Variants in MACROD2 observed in about 807,000 individuals in gnomAD.
The protein encoded by MACROD2 is mono-ADP ribosylhydrolase 2, also known as ADP-ribose glycohydrolase MACROD2.
MACROD2 carries 36 observed loss-of-function variants against 70.4 expected under a neutral mutation model. The observed-to-expected ratio is 0.51, with a 90% CI of 0.39 to 0.68. The LOEUF (loss-of-function observed/expected upper bound fraction) is 0.68, where lower values mean the gene tolerates loss of function less well. Among genes scored for constraint, MACROD2 ranks in the 30% least tolerant of loss-of-function variants. The pLI is 0.00. For synonymous variants in MACROD2, 172 were observed against 178.8 expected, an observed-to-expected ratio of 0.96 and a Z score of 0.30; for missense variants, 496 against 538.4, an observed-to-expected ratio of 0.92 and a Z score of 0.78.
At chr20:15,316,282 A>G (rs73265029) in intron 6 of MACROD2, among the ~76,000 whole-genome samples, 14 of 152,232 alleles carry the variant, frequency 9.2e-5, no homozygotes, top group African/African-American at 3.4e-4. Flanking sequence ...GGTCAGACAG[A>G]TAAAAACACG....
At position 14,164,185 on chromosome 20, in the gene MACROD2, A is replaced by T. The variant is rs538990306; in HGVS notation, c.271+78457A>T. Among the ~76,000 whole-genome samples the T allele has an allele frequency of 1.2e-3, 180 of 152,168 alleles. 1 individual carries two copies. Among genetic ancestry groups the T allele is most frequent in the African/African-American group, 4.0e-3 (168 of 41,518 alleles). On this transcript the variant is annotated intron_variant, in intron 3 of 17. Coordinates refer to ENST00000684519, the MANE Select transcript of MACROD2 (RefSeq NM_001351661.2). ...TGATTCTGGGTGTGTGCAGTAGTAC[A>T]GCTTCTATGTAATTTCTTTGGCGCT...
In MACROD2 at chr20:14,954,795, A is replaced by T. The variant is rs1463193553; in HGVS notation, c.418+269836A>T. On this transcript the variant is annotated intron_variant, in intron 5 of 17. Coordinates refer to ENST00000684519, the MANE Select transcript of MACROD2 (RefSeq NM_001351661.2). ...TAACATAAATTATAAATATATAAAT[A>T]TATAAATAAATTTTATATAATATAA... is the stretch of plus-strand genomic sequence containing the variant. 1.0e-4 allele frequency among the ~76,000 whole-genome samples: 5 copies of T among 49,848 alleles called. No homozygotes were observed. The East Asian group carries it at 3.1e-3, about 31-fold the overall frequency. 32.7% of individuals were successfully genotyped at this position (49,848 alleles called of 152,430 possible).
chr20:15,555,828 C>CAAAAAAAAAAAAAAAA (rs397838341), intron 8 of MACROD2, among the ~76,000 whole-genome samples: 21 of 18,486 alleles, frequency 1.1e-3, no homozygotes, highest in Admixed American at 1.8e-3. Flanking sequence ...GACTCCATCT[C>CAAAAAAAAAAAAAAAA]AAAAAAAAAA....
intron 3 of MACROD2, among the ~76,000 whole-genome samples, chr20:14,401,756 T>C (rs1305020515): frequency 6.6e-6 from 1 of 152,014 alleles, no homozygotes; most frequent in Non-Finnish European, 1.5e-5. Flanking sequence ...TTTTCCCCAA[T>C]ACAAATTTGA....
intron 8 of MACROD2, among the ~76,000 whole-genome samples, chr20:15,654,948 G>GT (rs2049704891): frequency 6.6e-6 from 1 of 151,986 alleles, no homozygotes; most frequent in Non-Finnish European, 1.5e-5. Context: ...TTCTACAGCT[G>GT]GAGAGATGAA....
rs150488957 is a variant in MACROD2, at chr20:15,684,863, A to C, written c.646-177882A>C. ...TTTATATAGAAATGTTAGACCATAC[A>C]TAGCGTTATTATTTTGATGCGAAAG... On this transcript the variant is annotated intron_variant, in intron 8 of 17. Coordinates refer to ENST00000684519, the MANE Select transcript of MACROD2 (RefSeq NM_001351661.2). 2.7e-4 allele frequency among the ~76,000 whole-genome samples: 41 copies of C among 152,316 alleles called. No homozygotes were observed. In the East Asian group the frequency reaches 7.7e-3, roughly 29 times the overall value.
intron 8 of MACROD2, among the ~76,000 whole-genome samples, chr20:15,667,499 G>GTTTCTATC (rs2049916745): frequency 6.7e-6 from 1 of 150,256 alleles, no homozygotes; most frequent in Non-Finnish European, 1.5e-5. Context: ...ATCTATCTAT[G>GTTTCTATC]TATCTATCTA....
At chr20:15,117,776 C>A (rs73096097) in intron 5 of MACROD2, among the ~76,000 whole-genome samples, 32,817 of 152,138 alleles carry the variant, frequency 0.22, 4,828 homozygotes, top group Non-Finnish European at 0.32. Flanking sequence ...TTGCCATTAT[C>A]TTTCCCTGTG....
At chr20:14,419,845 A>T (rs1002215918) in intron 3 of MACROD2, among the ~76,000 whole-genome samples, 1 of 151,922 alleles carries the variant, frequency 6.6e-6, no homozygotes, top group Admixed American at 6.6e-5. Context: ...TCAATATATC[A>T]TGGGCATTTT....
intron 5 of MACROD2, among the ~76,000 whole-genome samples, chr20:14,844,816 C>T (rs1226291879): frequency 1.3e-5 from 2 of 152,088 alleles, no homozygotes; most frequent in African/African-American, 4.8e-5. Context: ...AGAGCCTTCC[C>T]TGTGGATTTT....
At chr20:15,690,758 A>C (rs530688827) in intron 8 of MACROD2, among the ~76,000 whole-genome samples, 2 of 152,290 alleles carry the variant, frequency 1.3e-5, no homozygotes, top group Non-Finnish European at 1.5e-5. Flanking sequence ...TAAAAACTCA[A>C]AATCTAAAAT....
chr20:14,407,382 A>G (rs2083702331), intron 3 of MACROD2, among the ~76,000 whole-genome samples: 1 of 152,016 alleles, frequency 6.6e-6, no homozygotes, highest in African/African-American at 2.4e-5. Flanking sequence ...CTGGCTTCAA[A>G]AGCAGTTTTA....
intron 3 of MACROD2, among the ~76,000 whole-genome samples, chr20:14,366,441 A>G (rs2083273865): frequency 1.3e-5 from 2 of 148,396 alleles, no homozygotes; most frequent in South Asian, 2.1e-4. Flanking sequence ...ATTTTGGCTC[A>G]CTGCAATCTC....
chr20:15,999,078 G>A (rs147321280), intron 15 of MACROD2, among the ~76,000 whole-genome samples: 35 of 152,032 alleles, frequency 2.3e-4, no homozygotes, highest in African/African-American at 6.7e-4. Context: ...TCCTTAAAGT[G>A]TAAAGTTAGG....
At chr20:15,461,440 G>A (rs2046817259) in intron 7 of MACROD2, among the ~76,000 whole-genome samples, 3 of 151,926 alleles carry the variant, frequency 2.0e-5, no homozygotes, top group Non-Finnish European at 4.4e-5. Flanking sequence ...TTCCCTACTT[G>A]ACTGTCCTCT....
At chr20:14,313,412 A>G (rs1204738138) in intron 3 of MACROD2, among the ~76,000 whole-genome samples, 1 of 146,500 alleles carries the variant, frequency 6.8e-6, no homozygotes, top group Non-Finnish European at 1.5e-5. Flanking sequence ...GATTTACTGT[A>G]AACTGCTGCT....
At chr20:14,589,886 C>T (rs959368456) in intron 4 of MACROD2, among the ~76,000 whole-genome samples, 37 of 152,174 alleles carry the variant, frequency 2.4e-4, no homozygotes, top group African/African-American at 5.3e-4. Flanking sequence ...AAAAATATGC[C>T]GTTCTCATAT....
intron 8 of MACROD2, among the ~76,000 whole-genome samples, chr20:15,814,609 T>C (rs994529946): frequency 3.9e-5 from 6 of 152,204 alleles, no homozygotes; most frequent in Non-Finnish European, 8.8e-5. Context: ...CTTAACACTA[T>C]GCCCCTGGTG....
chr20:14,438,246 C>T (rs2084081344), intron 3 of MACROD2, among the ~76,000 whole-genome samples: 1 of 152,116 alleles, frequency 6.6e-6, no homozygotes, highest in Admixed American at 6.5e-5. Flanking sequence ...ATGATAGGAT[C>T]TCCTCCCTTC....
Sources: gnomAD v4.1 joint callset for allele counts (sites outside exome capture counted in the v4.1 genomes callset) on GRCh38, gnomAD v4.1.1 for gene constraint, MANE v1.5 for transcripts, NCBI Gene and HGNC (gene_info 2026-07-23, HGNC 2026-07-21) for gene names.